NPAS3: variants seen among roughly 807,000 people sequenced by gnomAD.
The protein encoded by NPAS3 is neuronal PAS domain protein 3.
In NPAS3, 14 loss-of-function variants were observed where a neutral mutation model predicts 73.1. The ratio of observed to expected loss-of-function variants is 0.19; its 90% CI spans 0.13 to 0.30. The LOEUF is 0.30. Ranked by LOEUF, NPAS3 falls within the 10% of genes least tolerant of loss-of-function variation. NPAS3 has a pLI of 1.00. For synonymous variants in NPAS3, 620 were observed against 541.5 expected, an observed-to-expected ratio of 1.14 and a Z score of -2.01; for missense variants, 1,096 against 1,250.0, an observed-to-expected ratio of 0.88 and a Z score of 1.86.
At chr14:32,942,445 C>T (rs4981169) in intron 1 of NPAS3, among the ~76,000 whole-genome samples, 38,474 of 152,104 alleles carry the variant, frequency 0.25, 5,797 homozygotes, top group Middle Eastern at 0.41. Context: ...CTCTGAATTA[C>T]ATATACAGAA....
chr14:33,415,527 GT>G, intron 4 of NPAS3, among the ~76,000 whole-genome samples: 1 of 152,144 alleles, frequency 6.6e-6, no homozygotes, highest in South Asian at 2.1e-4. Flanking sequence ...TCTCCCAGTA[GT>G]TGGTATGTAA....
chr14:33,364,874 G>A (rs1201772515), intron 3 of NPAS3, among the ~76,000 whole-genome samples: 1 of 151,918 alleles, frequency 6.6e-6, no homozygotes, highest in Non-Finnish European at 1.5e-5. Flanking sequence ...GGCCTCCTAA[G>A]TCAGTGAACT....
intron 4 of NPAS3, among the ~76,000 whole-genome samples, chr14:33,553,659 A>T (rs2055224656): frequency 6.6e-6 from 1 of 152,216 alleles, no homozygotes; most frequent in African/African-American, 2.4e-5. Flanking sequence ...GAAAGCTCTT[A>T]GAGATTCTTA....
At chr14:32,980,051 A>G (rs2037836708) in intron 1 of NPAS3, among the ~76,000 whole-genome samples, 1 of 152,226 alleles carries the variant, frequency 6.6e-6, no homozygotes, top group South Asian at 2.1e-4. Flanking sequence ...TTTGCCAGAG[A>G]ATCATGATTT....
At chr14:33,329,749 A>G (rs1202576185) in intron 3 of NPAS3, among the ~76,000 whole-genome samples, 1 of 152,076 alleles carries the variant, frequency 6.6e-6, no homozygotes, top group African/African-American at 2.4e-5. Flanking sequence ...TAAGTACAGA[A>G]TCATAATAAA....
intron 3 of NPAS3, among the ~76,000 whole-genome samples, chr14:33,216,392 T>C (rs2047226294): frequency 6.6e-6 from 1 of 152,150 alleles, no homozygotes; most frequent in Non-Finnish European, 1.5e-5. Context: ...CTGTAATCTT[T>C]TGTAGGATTC....
At chr14:33,440,990 G>T (rs2049223512) in intron 4 of NPAS3, among the ~76,000 whole-genome samples, 1 of 151,990 alleles carries the variant, frequency 6.6e-6, no homozygotes, top group Non-Finnish European at 1.5e-5. Context: ...GTGTGCCACG[G>T]TAATAATGAA....
At chr14:33,701,471 A>G (rs2060521401) in intron 6 of NPAS3, among the ~76,000 whole-genome samples, 1 of 152,206 alleles carries the variant, frequency 6.6e-6, no homozygotes, top group Non-Finnish European at 1.5e-5. Context: ...GATTTGCTCA[A>G]ATTCTCAGAG....
chr14:33,083,321 G>A (rs1477061635), intron 2 of NPAS3, among the ~76,000 whole-genome samples: 1 of 148,478 alleles, frequency 6.7e-6, no homozygotes, highest in Non-Finnish European at 1.5e-5. Context: ...TTATAGTTAT[G>A]TGCCTAAATC....
chr14:33,150,335 T>G (rs2044401827), intron 2 of NPAS3, among the ~76,000 whole-genome samples: 1 of 152,246 alleles, frequency 6.6e-6, no homozygotes, highest in South Asian at 2.1e-4. Context: ...AAAGTTATTT[T>G]GGCTCTGTGA....
At chr14:33,435,604 G>A (rs919532373) in intron 4 of NPAS3, among the ~76,000 whole-genome samples, 1 of 152,154 alleles carries the variant, frequency 6.6e-6, no homozygotes, top group African/African-American at 2.4e-5. Context: ...GTTAAATGAT[G>A]ATCAGATATT....
At chr14:33,708,728 G>C (rs2060732639) in intron 6 of NPAS3, among the ~76,000 whole-genome samples, 1 of 152,122 alleles carries the variant, frequency 6.6e-6, no homozygotes, top group Admixed American at 6.5e-5. Flanking sequence ...GAGCAGGACG[G>C]GAAAATTAAA....
At chr14:32,960,203 T>C (rs552348425) in intron 1 of NPAS3, among the ~76,000 whole-genome samples, 65 of 152,228 alleles carry the variant, frequency 4.3e-4, no homozygotes, top group African/African-American at 5.1e-4. Flanking sequence ...AGTTTTTTTT[T>C]CCATTGACTT....
At chr14:33,178,823 A>G (rs1235309037) in intron 2 of NPAS3, among the ~76,000 whole-genome samples, 1 of 152,110 alleles carries the variant, frequency 6.6e-6, no homozygotes, top group Non-Finnish European at 1.5e-5. Flanking sequence ...TTTCTTTTCA[A>G]ACTGATCTAT....
chr14:33,139,370 T>C (rs769928099), intron 2 of NPAS3, among the ~76,000 whole-genome samples: 7 of 152,196 alleles, frequency 4.6e-5, no homozygotes, highest in Non-Finnish European at 1.0e-4. Flanking sequence ...ATTCACTACA[T>C]TGTTACTTCC....
chr14:33,004,817 C>CTTTTTTTTTTTTTTTTTTTTTTTTTTTTT lies in NPAS3; in HGVS notation c.51-51069_51-51068insTTTTTTTTTTTTTTTTTTTTTTTTTTTTT. On this transcript the variant is annotated intron_variant, in intron 1 of 11. Coordinates refer to ENST00000356141, the Ensembl canonical transcript of NPAS3. ...CTTTTTTCTATTGTAAAAAGTTTTC[C>CTTTTTTTTTTTTTTTTTTTTTTTTTTTTT]TTTTTTTTTTTTTTTTTTTAGTTTT... 4.1e-3 allele frequency among the ~76,000 whole-genome samples: 260 copies of CTTTTTTTTTTTTTTTTTTTTTTTTTTTTT among 63,934 alleles called. 46 individuals carry two copies. Among genetic ancestry groups the CTTTTTTTTTTTTTTTTTTTTTTTTTTTTT allele is most frequent in the Non-Finnish European group, 5.8e-3 (167 of 28,584 alleles). 41.9% of individuals were successfully genotyped at this position (63,934 alleles called of 152,430 possible).
At chr14:33,803,829 G>A (rs1268871276), downstream of NPAS3, 1 of 152,024 alleles carries the variant, frequency 6.6e-6, no homozygotes, top group African/African-American at 2.4e-5. Flanking sequence ...CTGAATAATG[G>A]GGAAAGGGAT....
intron 3 of NPAS3, among the ~76,000 whole-genome samples, chr14:33,299,055 C>T (rs576100636): frequency 2.0e-5 from 3 of 152,258 alleles, no homozygotes; most frequent in East Asian, 3.9e-4. Flanking sequence ...TCCATTTGCA[C>T]GCCTTCTCAT....
chr14:33,184,877 A>G lies in NPAS3; in HGVS notation c.141-30305A>G, dbSNP rs183214380. Among the ~76,000 whole-genome samples, 541 of 152,304 alleles carry G rather than the reference A, an allele frequency of 3.6e-3. 1 individual carries two copies. Among genetic ancestry groups the G allele is most frequent in the Middle Eastern group, 6.8e-3 (2 of 294 alleles). On this transcript the variant is annotated intron_variant, in intron 2 of 11. Coordinates refer to ENST00000356141, the Ensembl canonical transcript of NPAS3. ...TTGGTGCTTCACGTTCCTGTGTAACATGAACATAGGGAAGGCCAATAGGCA... is the reference window on the plus strand; with the variant it reads ...TTGGTGCTTCACGTTCCTGTGTAACGTGAACATAGGGAAGGCCAATAGGCA...
Sources: allele counts gnomAD v4.1 joint callset (sites outside exome capture counted in the v4.1 genomes callset), GRCh38; gene constraint gnomAD v4.1.1; transcripts MANE v1.5; gene names NCBI Gene and HGNC (gene_info 2026-07-23, HGNC 2026-07-21).